PJA2: variants seen among roughly 807,000 people sequenced by gnomAD.
The protein encoded by PJA2 is E3 ubiquitin-protein ligase Praja-2.
In PJA2, 25 loss-of-function variants were observed where a neutral mutation model predicts 69.3. The observed-to-expected ratio is 0.36, with a 90% confidence interval of 0.26 to 0.50. PJA2 has a LOEUF of 0.50. Ranked by LOEUF, PJA2 falls within the 20% of genes least tolerant of loss-of-function variation. The probability of loss-of-function intolerance (pLI) is 0.96; values close to 1 mark genes in which losing one functional copy is unlikely to be tolerated. For synonymous variants in PJA2, 308 were observed against 277.8 expected (o/e 1.11, Z -1.08); for missense variants, 809 against 830.2 (o/e 0.97, Z 0.31).
Position 109,337,038 on chromosome 5 carries a change from A to G in PJA2, c.*193T>C, listed in dbSNP as rs1761956355. 1 of 375,106 alleles carries G rather than the reference A, an allele frequency of 2.7e-6. No individual in the cohort carries two copies. Among genetic ancestry groups the G allele is most frequent in the Admixed American group, 4.6e-5 (1 of 21,884 alleles). The allele number at this position is 375,106 out of a possible 1,614,324, so 23.2% of individuals were successfully genotyped here. ...AAGAAAATGGATGCACTGTCTCAAC[A>G]TTCAGCTTAAAAATGTTTAATACTT... On this transcript the variant is annotated 3_prime_UTR_variant, in exon 10 of 10. Coordinates refer to ENST00000361189, the MANE Select transcript of PJA2 (RefSeq NM_014819.5).
intron 1 of PJA2, among the ~76,000 whole-genome samples, chr5:109,394,772 G>C (rs967574364): frequency 2.0e-5 from 3 of 152,136 alleles, no homozygotes; most frequent in African/African-American, 4.8e-5. Context: ...ATAAACATTA[G>C]AGAATAAGAA....
At chr5:109,356,659 A>G (rs977388516) in intron 6 of PJA2, among the ~76,000 whole-genome samples, 1 of 152,130 alleles carries the variant, frequency 6.6e-6, no homozygotes. Context: ...AAATAACCAT[A>G]TTTATTTTAA....
intron 4 of PJA2, among the ~76,000 whole-genome samples, chr5:109,371,191 T>C (rs748502815): frequency 9.9e-5 from 15 of 152,222 alleles, no homozygotes; most frequent in Non-Finnish European, 1.5e-4. Context: ...TCATTATTAC[T>C]CATGATACCT....
At chr5:109,384,001 G>T (rs1406533532) in intron 1 of PJA2, among the ~76,000 whole-genome samples, 1 of 152,138 alleles carries the variant, frequency 6.6e-6, no homozygotes, top group Non-Finnish European at 1.5e-5. Context: ...ATACCAAAAT[G>T]GCTATGTGAA....
At chr5:109,401,498 G>C (rs553059186) in intron 1 of PJA2, among the ~76,000 whole-genome samples, 62 of 152,148 alleles carry the variant, frequency 4.1e-4, no homozygotes, top group Non-Finnish European at 7.1e-4. Context: ...AAAAACCACT[G>C]ATAAAACATA....
At chr5:109,346,866 CCAT>C (rs1381003633) in intron 7 of PJA2, among the ~76,000 whole-genome samples, 1 of 151,862 alleles carries the variant, frequency 6.6e-6, no homozygotes, top group Non-Finnish European at 1.5e-5. Context: ...GTTTATTTTA[CCAT>C]AATAAAAAAA....
intron 7 of PJA2, among the ~76,000 whole-genome samples, chr5:109,351,501 G>A (rs1228459848): frequency 6.6e-6 from 1 of 151,980 alleles, no homozygotes; most frequent in Non-Finnish European, 1.5e-5. Context: ...TTCTAGCGAA[G>A]AAGTATGATA....
At position 109,403,178 on chromosome 5, in the gene PJA2, C is replaced by T. The variant is rs1197801465; in HGVS notation, c.-88+6664G>A. ...AAGAATGAAAGGAAAGACACCACTA[C>T]AGACGTTATAGGCATTAAAATAATT... On this transcript the variant is annotated intron_variant, in intron 1 of 9. Coordinates refer to ENST00000361189, the MANE Select transcript of PJA2 (RefSeq NM_014819.5). Among the ~76,000 whole-genome samples the T allele has an allele frequency of 2.6e-5, 4 of 152,046 alleles. No individual in the cohort carries two copies. The East Asian group carries it at 7.7e-4, about 29-fold the overall frequency.
rs927947056 is a variant in PJA2 at position 109,368,587 on chromosome 5, T to C, written c.1443A>G (p.Glu481=). The stretch of plus-strand genomic sequence containing the variant: ...CTTCCTGAAGAGATAATTCTTGGTT[T>C]TCTTCTTCAGGGCCACTGCTATCAC... The part of the protein sequence containing the change: ...LQSDSSGPEE[E]NQELSLQEGE... The change falls in exon 5 of 10, where the codon GAA becomes GAG. Residue 481 remains glutamate, a synonymous_variant. Coordinates refer to ENST00000361189, the MANE Select transcript of PJA2 (RefSeq NM_014819.5). 7 of 1,613,700 alleles carry C rather than the reference T, an allele frequency of 4.3e-6. No homozygotes were observed. The highest frequency in any genetic ancestry group is 2.2e-5 in the East Asian group (1 of 44,890).
rs1322194778 is a variant in PJA2, at chr5:109,334,815, G to A, written c.*2416C>T. ...AAACCAACCATTACATTTAGACCTG[G>A]GCTTTTGAAAAACTTGCATTCCATT... is the stretch of plus-strand genomic sequence containing the variant. On this transcript the variant is annotated 3_prime_UTR_variant, in exon 10 of 10. Transcript: ENST00000361189. 2.6e-5 allele frequency: 4 copies of A among 152,274 alleles called. No individual in the cohort carries two copies. Among genetic ancestry groups the A allele is most frequent in the Non-Finnish European group, 4.4e-5 (3 of 68,006 alleles). 9.4% of individuals were successfully genotyped at this position (152,274 alleles called of 1,614,324 possible). A position where few individuals can be genotyped will look rare whatever the true frequency, so the allele number is the denominator to read the frequency against.
intron 4 of PJA2, among the ~76,000 whole-genome samples, chr5:109,375,339 A>G (rs1012869537): frequency 6.6e-6 from 1 of 151,866 alleles, no homozygotes; most frequent in Admixed American, 6.6e-5. Context: ...GTGAAACCCC[A>G]TCTCTACTAA....
intron 4 of PJA2, among the ~76,000 whole-genome samples, chr5:109,373,683 T>G (rs1446347983): frequency 1.3e-5 from 2 of 152,184 alleles, no homozygotes; most frequent in African/African-American, 2.4e-5. Context: ...AAGTAAAAAC[T>G]AAATTAAGTA....
At chr5:109,399,482 C>G (rs1226057319) in intron 1 of PJA2, among the ~76,000 whole-genome samples, 1 of 152,138 alleles carries the variant, frequency 6.6e-6, no homozygotes, top group Non-Finnish European at 1.5e-5. Context: ...GAAGTAGGAA[C>G]ACTTAGAAAA....
chr5:109,368,491 C>T (rs1762621998), intron 5 of PJA2, 70 bp downstream of exon 5: 2 of 1,359,762 alleles, frequency 1.5e-6, no homozygotes, highest in Admixed American at 4.4e-5. Context: ...ATGGCATATC[C>T]AACATTTGAA....
At chr5:109,361,579 A>ATAT (rs1344332055) in intron 6 of PJA2, among the ~76,000 whole-genome samples, 17 of 152,252 alleles carry the variant, frequency 1.1e-4, no homozygotes, top group Admixed American at 1.1e-3. Flanking sequence ...AGACTTCTGA[A>ATAT]TTAATAAGGA....
intron 3 of PJA2, 55 bp downstream of exon 3, chr5:109,381,448 A>C: frequency 1.4e-6 from 2 of 1,473,068 alleles, no homozygotes; most frequent in South Asian, 2.4e-5. Context: ...ATTTAATTAT[A>C]AGATCAATTC....
At chr5:109,402,463 G>A (rs761538510) in intron 1 of PJA2, among the ~76,000 whole-genome samples, 99 of 152,136 alleles carry the variant, frequency 6.5e-4, no homozygotes, top group South Asian at 2.1e-3. Flanking sequence ...AATGATTAAG[G>A]GGTTCATTCA....
At chr5:109,357,413 C>G (rs1008885070) in intron 6 of PJA2, among the ~76,000 whole-genome samples, 1 of 152,132 alleles carries the variant, frequency 6.6e-6, no homozygotes, top group African/African-American at 2.4e-5. Flanking sequence ...TTAGCAGTAT[C>G]TGGAAATCAA....
At position 109,394,362 on chromosome 5, in the gene PJA2, G is replaced by A. The variant is rs79819815; in HGVS notation, c.-87-10842C>T. On this transcript the variant is annotated intron_variant, in intron 1 of 9. Transcript: ENST00000361189. The stretch of plus-strand genomic sequence containing the variant: ...CATGCCCAGCCACATGCTAGTTCTC[G>A]ACTTGGCTGGTGTTTATATTGACTT... Among the ~76,000 whole-genome samples the A allele has an allele frequency of 9.2e-5, 14 of 152,078 alleles. 1 individual carries two copies. Among genetic ancestry groups the A allele is most frequent in the Middle Eastern group, 3.4e-3 (1 of 294 alleles).
Sources: allele counts gnomAD v4.1 joint callset (sites outside exome capture counted in the v4.1 genomes callset), GRCh38; gene constraint gnomAD v4.1.1; transcripts MANE v1.5; gene names NCBI Gene and HGNC (gene_info 2026-07-23, HGNC 2026-07-21).